Variants in GALM observed in about 807,000 individuals in gnomAD.
The protein encoded by GALM is galactose mutarotase, also known as aldose 1-epimerase.
Under a neutral mutation model 37.4 loss-of-function variants are expected in GALM, and 43 were observed. The observed-to-expected ratio is 1.15, with a 90% CI of 0.90 to 1.48. GALM has a LOEUF of 1.48. Among genes scored for constraint, GALM ranks in the 40% most tolerant of loss-of-function variants. GALM has a pLI of 0.00. For missense variants in GALM, 456 were observed against 419.1 expected (o/e 1.09, Z -0.77); for synonymous variants, 199 against 170.6 (o/e 1.17, Z -1.30).
chr2:38,731,901 G>A lies in GALM; in HGVS notation c.943G>A (p.Val315Ile). 6.2e-7 allele frequency: 1 copy of A among 1,613,898 alleles called. No homozygotes were observed. Among genetic ancestry groups the A allele is most frequent in the Non-Finnish European group, 8.5e-7 (1 of 1,179,814 alleles). The change falls in exon 6 of 7, where the codon GTC becomes ATC. Residue 315 changes from valine (V) to isoleucine (I), a missense_variant. Val to Ile is a conservative substitution (Grantham distance 29). Transcript: ENST00000272252. ...GGAGACTCAGAACTGGCCTGATGCA[G>A]TCAATCAGGTAATGCCACAGGCTGG... ...CLETQNWPDA[V>I]NQPRFPPVLL...
rs114545817 is a variant in GALM at position 38,672,743 on chromosome 2, G to A, written c.191-3169G>A. ...AAATGAAGTAAATGTAGAGCACTTAGAAAGTGGCTGGGACACACTTTGGGA... is the reference window on the plus strand; with the variant it reads ...AAATGAAGTAAATGTAGAGCACTTAAAAAGTGGCTGGGACACACTTTGGGA... On this transcript the variant is annotated intron_variant, in intron 1 of 6. Transcript: ENST00000272252. Among the ~76,000 whole-genome samples the A allele has an allele frequency of 1.8e-3, 279 of 152,156 alleles. 1 individual carries two copies. Among genetic ancestry groups the A allele is most frequent in the Middle Eastern group, 0.017 (5 of 294 alleles).
At chr2:38,723,268 A>T (rs1274552087) in intron 4 of GALM, among the ~76,000 whole-genome samples, 1 of 152,214 alleles carries the variant, frequency 6.6e-6, no homozygotes, top group Non-Finnish European at 1.5e-5. Flanking sequence ...AAGAGCAGTT[A>T]GGGTACATAG....
At chr2:38,732,454 G>C (rs537123825) in intron 6 of GALM, among the ~76,000 whole-genome samples, 1 of 152,324 alleles carries the variant, frequency 6.6e-6, no homozygotes, top group Admixed American at 6.5e-5. Flanking sequence ...CTGAAATTTT[G>C]TACCTTCAAA....
At chr2:38,709,765 G>A (rs1351424522) in intron 4 of GALM, among the ~76,000 whole-genome samples, 1 of 152,066 alleles carries the variant, frequency 6.6e-6, no homozygotes, top group African/African-American at 2.4e-5. Flanking sequence ...TCCCACCCAG[G>A]GTGTTACTTT....
At chr2:38,681,221 A>C (rs1251943927) in intron 2 of GALM, 59 bp from the exon 3 acceptor site, 27 of 1,244,026 alleles carry the variant, frequency 2.2e-5, no homozygotes, top group Non-Finnish European at 3.1e-5. Context: ...AAATATTGAA[A>C]TATGGCATTT....
chr2:38,667,602 G>GA (rs537568427), intron 1 of GALM, among the ~76,000 whole-genome samples: 30 of 149,056 alleles, frequency 2.0e-4, no homozygotes, highest in African/African-American at 5.4e-4. Flanking sequence ...ATTCCTCAGG[G>GA]AAAAAAACAA....
At chr2:38,721,627 C>A (rs1666377115) in intron 4 of GALM, among the ~76,000 whole-genome samples, 1 of 152,166 alleles carries the variant, frequency 6.6e-6, no homozygotes, top group Non-Finnish European at 1.5e-5. Flanking sequence ...GATCTTCCCA[C>A]CTCAGCCTCC....
chr2:38,704,545 A>G (rs1480034267), intron 4 of GALM, among the ~76,000 whole-genome samples: 1 of 151,950 alleles, frequency 6.6e-6, no homozygotes, highest in Non-Finnish European at 1.5e-5. Flanking sequence ...GCCCAGTGGC[A>G]TTCACCTGTA....
At chr2:38,711,615 G>T (rs1666162095) in intron 4 of GALM, among the ~76,000 whole-genome samples, 1 of 151,540 alleles carries the variant, frequency 6.6e-6, no homozygotes, top group South Asian at 2.1e-4. Context: ...GTATAGCAAG[G>T]TGGTTAAGAA....
At chr2:38,696,270 C>T (rs2148439876) in intron 4 of GALM, among the ~76,000 whole-genome samples, 1 of 151,944 alleles carries the variant, frequency 6.6e-6, no homozygotes, top group East Asian at 1.9e-4. Flanking sequence ...CAGGCATGTG[C>T]CACCACACCT....
Position 38,675,986 on chromosome 2 carries a change from A to C in GALM, c.265A>C (p.Lys89Gln). Residue 89 changes from lysine (K) to glutamine (Q), a missense_variant, in exon 2 of 7, where the codon AAG becomes CAG. Coordinates refer to ENST00000272252, the MANE Select transcript of GALM (RefSeq NM_138801.3). ...CAACCGAATCGCCAAAGGAACCTTC[A>C]AGGTGGATGGGAAGGAGTATCACCT... Reference protein sequence around the residue: ...VANRIAKGTFKVDGKEYHLAI... With the variant: ...VANRIAKGTFQVDGKEYHLAI... 6.2e-7 allele frequency: 1 copy of C among 1,614,118 alleles called. No individual in the cohort carries two copies. Among genetic ancestry groups the C allele is most frequent in the South Asian group, 1.1e-5 (1 of 91,082 alleles).
At chr2:38,690,751 G>C (rs935359366) in intron 4 of GALM, among the ~76,000 whole-genome samples, 1 of 152,140 alleles carries the variant, frequency 6.6e-6, no homozygotes, top group Non-Finnish European at 1.5e-5. Flanking sequence ...CTCTTTAATG[G>C]GTTGAGTTTA....
At chr2:38,695,757 G>A (rs542911173) in intron 4 of GALM, among the ~76,000 whole-genome samples, 4 of 152,196 alleles carry the variant, frequency 2.6e-5, no homozygotes, top group Admixed American at 6.5e-5. Context: ...GCAGTGGCTC[G>A]ATCTCAGCTC....
intron 1 of GALM, among the ~76,000 whole-genome samples, chr2:38,669,760 C>T (rs1422236519): frequency 6.6e-6 from 1 of 151,964 alleles, no homozygotes; most frequent in Non-Finnish European, 1.5e-5. Context: ...GTAATCCCAG[C>T]TATTCAGGAG....
intron 4 of GALM, among the ~76,000 whole-genome samples, chr2:38,700,391 A>T (rs957754986): frequency 2.2e-4 from 33 of 152,198 alleles, no homozygotes; most frequent in African/African-American, 7.9e-4. Flanking sequence ...TATTTGCTTT[A>T]TATTATGTAT....
intron 4 of GALM, among the ~76,000 whole-genome samples, chr2:38,726,312 C>T (rs887988191): frequency 4.9e-4 from 74 of 150,256 alleles, no homozygotes; most frequent in African/African-American, 1.7e-3. Flanking sequence ...CTGCAAGCTC[C>T]GCCTCCCGGG....
At chr2:38,723,790 CA>C (rs1441685612) in intron 4 of GALM, among the ~76,000 whole-genome samples, 1 of 61,540 alleles carries the variant, frequency 1.6e-5, no homozygotes, top group Admixed American at 2.1e-4. Flanking sequence ...GACACTGACT[CA>C]AAAAAACAAA....
At chr2:38,709,767 T>C (rs1221034524) in intron 4 of GALM, among the ~76,000 whole-genome samples, 1 of 152,044 alleles carries the variant, frequency 6.6e-6, no homozygotes, top group Non-Finnish European at 1.5e-5. Context: ...CCACCCAGGG[T>C]GTTACTTTTA....
At chr2:38,711,743 A>ATCACCAT (rs1666167215) in intron 4 of GALM, among the ~76,000 whole-genome samples, 1 of 950 alleles carries the variant, frequency 1.1e-3, no homozygotes, top group African/African-American at 3.7e-3. Flanking sequence ...ATCATCATTA[A>ATCACCAT]CATCACCATC....
Sources: gnomAD v4.1 joint callset for allele counts (sites outside exome capture counted in the v4.1 genomes callset) on GRCh38, gnomAD v4.1.1 for gene constraint, MANE v1.5 for transcripts, NCBI Gene and HGNC (gene_info 2026-07-23, HGNC 2026-07-21) for gene names.